The following ABCC5 variants were observed in gnomAD, a reference collection of about 807,000 sequenced individuals.
The protein encoded by ABCC5 is ATP binding cassette subfamily C member 5.
ABCC5 carries 61 observed loss-of-function variants against 160.9 expected under a neutral mutation model. The observed-to-expected ratio is 0.38, with a 90% CI of 0.31 to 0.47. The LOEUF is 0.47. Among genes scored for constraint, ABCC5 ranks in the 20% least tolerant of loss-of-function variants. The pLI, the probability that ABCC5 is intolerant of heterozygous loss-of-function variation, is 0.99. For synonymous variants in ABCC5, 666 were observed against 700.6 expected (o/e 0.95, Z 0.78); for missense variants, 1,308 against 1,813.3 (o/e 0.72, Z 5.06).
At chr3:184,016,946 T>A (rs1722240898) in intron 1 of ABCC5, among the ~76,000 whole-genome samples, 1 of 152,138 alleles carries the variant, frequency 6.6e-6, no homozygotes, top group African/African-American at 2.4e-5. Context: ...TAGGTTTCCA[T>A]CACCTCCAGG....
chr3:183,967,785 G>C lies in ABCC5; in HGVS notation c.1762-19C>G. ...GTTTACCCTGGACAAGGCACACAGAGAGGAGGGTCATTTAGAGACTACTAA... is the reference window on the plus strand; with the variant it reads ...GTTTACCCTGGACAAGGCACACAGACAGGAGGGTCATTTAGAGACTACTAA... On this transcript the variant is annotated intron_variant, in intron 11 of 29. Coordinates refer to ENST00000334444, the MANE Select transcript of ABCC5 (RefSeq NM_005688.4). 3.1e-6 allele frequency: 5 copies of C among 1,597,962 alleles called. No individual in the cohort carries two copies. The highest frequency in any genetic ancestry group is 4.3e-6 in the Non-Finnish European group (5 of 1,165,570).
At chr3:184,000,852 A>G in intron 2 of ABCC5, 1 of 187,216 alleles carries the variant, frequency 5.3e-6, no homozygotes, top group African/African-American at 2.3e-5. Flanking sequence ...TGGCTAACCT[A>G]CAGTAGATCA....
chr3:183,944,735 C>A (rs6443923), intron 24 of ABCC5, among the ~76,000 whole-genome samples: 40,235 of 151,972 alleles, frequency 0.26, 5,635 homozygotes, highest in East Asian at 0.6. Context: ...TTTTTTTTGC[C>A]ATCTTTTTTT....
At chr3:184,002,214 A>G (rs534268607) in intron 2 of ABCC5, among the ~76,000 whole-genome samples, 1 of 152,180 alleles carries the variant, frequency 6.6e-6, no homozygotes, top group Non-Finnish European at 1.5e-5. Flanking sequence ...CCTGGCCAAC[A>G]TGGTGAAATC....
chr3:184,016,538 C>T (rs1722207537), intron 1 of ABCC5, among the ~76,000 whole-genome samples: 1 of 152,200 alleles, frequency 6.6e-6, no homozygotes, highest in Non-Finnish European at 1.5e-5. Context: ...AAGGATGGAT[C>T]CCCAGGCCAG....
intron 17 of ABCC5, among the ~76,000 whole-genome samples, chr3:183,956,629 T>G (rs1716022815): frequency 2.0e-5 from 3 of 148,882 alleles, no homozygotes; most frequent in Non-Finnish European, 4.5e-5. Flanking sequence ...TACATGCAGA[T>G]CCGTGTGTAA....
At chr3:183,983,141 G>T in intron 5 of ABCC5, 134 bp from the exon 6 acceptor site, 1 of 735,166 alleles carries the variant, frequency 1.4e-6, no homozygotes, top group Non-Finnish European at 2.3e-6. Context: ...AACTTTGGAA[G>T]ACCCAATTAT....
At position 183,925,551 on chromosome 3, in the gene ABCC5, G is replaced by T. The variant is rs1473753842; in HGVS notation, c.4212+4C>A. The T allele has an allele frequency of 1.9e-6, 3 of 1,612,748 alleles. No individual in the cohort carries two copies. Among genetic ancestry groups the T allele is most frequent in the South Asian group, 2.2e-5 (2 of 90,888 alleles). On this transcript the variant is annotated splice_donor_region_variant and intron_variant, in intron 29 of 29. Transcript: ENST00000334444. The stretch of plus-strand genomic sequence containing the variant: ...CAAGCCAAAGTTCCTGAAGGACTCG[G>T]TACCTGTCCCTGGGCCAGCACCATA...
At chr3:183,980,343 T>G (rs1490937198) in intron 8 of ABCC5, among the ~76,000 whole-genome samples, 1 of 152,200 alleles carries the variant, frequency 6.6e-6, no homozygotes, top group Non-Finnish European at 1.5e-5. Flanking sequence ...GTAAGAACAC[T>G]CTTTTCAAAT....
In ABCC5 at chr3:183,982,604, G is replaced by A. The variant is rs1718843009; in HGVS notation, c.846C>T (p.Asn282=). 8 of 1,614,170 alleles carry A rather than the reference G, an allele frequency of 5.0e-6. No individual in the cohort carries two copies. The highest frequency in any genetic ancestry group is 1.3e-5 in the African/African-American group (1 of 75,048). The stretch of plus-strand genomic sequence containing the variant: ...CTGCCTCAAACATTCTCTGCCCATC[G>A]TTGGAGCAAATGTTGATGAGCTATA... The part of the protein sequence containing the change: ...SLGELINICS[N]DGQRMFEAAA... The change falls in exon 7 of 30, where the codon AAC becomes AAT. Residue 282 remains asparagine, a synonymous_variant. Transcript: ENST00000334444. The surrounding 1 kb of genome is among the most constrained non-coding windows in gnomAD (Gnocchi z 5.2).
Position 183,929,403 on chromosome 3 carries a change from A to G in ABCC5, c.3855-578T>C, listed in dbSNP as rs1445698272. Among the ~76,000 whole-genome samples the G allele has an allele frequency of 3.3e-5, 5 of 152,352 alleles. No homozygotes were observed. The East Asian group carries it at 9.6e-4, about 29-fold the overall frequency. On this transcript the variant is annotated intron_variant, in intron 26 of 29. Coordinates refer to ENST00000334444, the MANE Select transcript of ABCC5 (RefSeq NM_005688.4). ...AGCTGAGATCACACCACTGCACTCT[A>G]GCCTGGGCGACAGAGTGAGACTCCA... is the stretch of plus-strand genomic sequence containing the variant.
chr3:183,970,486 C>A (rs1226136161), intron 11 of ABCC5, among the ~76,000 whole-genome samples: 1 of 151,844 alleles, frequency 6.6e-6, no homozygotes, highest in Admixed American at 6.6e-5. Flanking sequence ...ACTGTGCCAC[C>A]CAGGCTGGAG....
In ABCC5 at chr3:183,963,306, G is replaced by A. The variant is rs1317209230; in HGVS notation, c.2235+79C>T. On this transcript the variant is annotated intron_variant, in intron 15 of 29. Transcript: ENST00000334444. The surrounding 1 kb of genome is among the most constrained non-coding windows in gnomAD (Gnocchi z 4.6). ...CCAGGAATTTCTAGTTATAACACAAGGATACCTGGAGCAAACCTACCTCCC... is the reference window on the plus strand; with the variant it reads ...CCAGGAATTTCTAGTTATAACACAAAGATACCTGGAGCAAACCTACCTCCC... The A allele has an allele frequency of 3.4e-6, 5 of 1,451,092 alleles. No individual in the cohort carries two copies. In the African/African-American group the frequency reaches 4.2e-5, roughly 12 times the overall value. 89.9% of individuals were successfully genotyped at this position (1,451,092 alleles called of 1,614,324 possible).
intron 15 of ABCC5, among the ~76,000 whole-genome samples, chr3:183,962,364 G>A (rs201426403): frequency 3.3e-5 from 5 of 151,988 alleles, no homozygotes; most frequent in African/African-American, 9.7e-5. Flanking sequence ...GTAAGCCAGC[G>A]ACTGTCTCTA....
intron 17 of ABCC5, among the ~76,000 whole-genome samples, chr3:183,956,312 G>A (rs1284163944): frequency 2.0e-5 from 3 of 150,728 alleles, no homozygotes; most frequent in East Asian, 2.0e-4. Context: ...ATGCAGATCC[G>A]TGTGTAAATC....
intron 2 of ABCC5, among the ~76,000 whole-genome samples, chr3:183,996,602 G>A (rs935258810): frequency 1.6e-4 from 24 of 152,120 alleles, no homozygotes; most frequent in East Asian, 5.8e-4. Flanking sequence ...CAGGTTTCTC[G>A]TGAGTACTGC....
At position 183,953,121 on chromosome 3, in the gene ABCC5, A is replaced by T; in HGVS notation, c.2632T>A (p.Trp878Arg). Reference protein sequence around the residue: ...LNVGSTAFSTWWLSYWIKQGS... With the variant: ...LNVGSTAFSTRWLSYWIKQGS... ...TGCTTGATCCAGTAACTCAACCACC[A>T]GGTGCTGAAGGCGGTGCTGCCTACA... Residue 878 changes from tryptophan to arginine, a missense_variant, in exon 18 of 30, where the codon TGG (tryptophan) becomes AGG (arginine). Physicochemically the swap from Trp to Arg is moderately radical, Grantham distance 101. Coordinates refer to ENST00000334444, the MANE Select transcript of ABCC5 (RefSeq NM_005688.4). The T allele has an allele frequency of 1.9e-6, 3 of 1,614,050 alleles. No individual in the cohort carries two copies. The highest frequency in any genetic ancestry group is 2.5e-6 in the Non-Finnish European group (3 of 1,180,000).
Position 183,949,719 on chromosome 3 carries a change from C to T in ABCC5, c.3227+34G>A. ...GTATCAAACGCTGGGATGCTGACTC[C>T]CCTTTGAGGCCTCTAGCCCCCATCA... On this transcript the variant is annotated intron_variant, in intron 22 of 29. Transcript: ENST00000334444. The surrounding 1 kb of genome is among the most constrained non-coding windows in gnomAD (Gnocchi z 4.2). 2 of 1,607,926 alleles carry T rather than the reference C, an allele frequency of 1.2e-6. No individual in the cohort carries two copies. The highest frequency in any genetic ancestry group is 1.1e-5 in the South Asian group (1 of 90,414).
chr3:183,962,180 C>A (rs1450619756), intron 15 of ABCC5, among the ~76,000 whole-genome samples: 1 of 152,198 alleles, frequency 6.6e-6, no homozygotes, highest in Non-Finnish European at 1.5e-5. Flanking sequence ...CTACCTTAAA[C>A]ATGCTCAGAA....
Sources: gnomAD v4.1 joint callset for allele counts (sites outside exome capture counted in the v4.1 genomes callset) on GRCh38, gnomAD v4.1.1 for gene constraint, Gnocchi (gnomAD v3.1) non-coding constraint, MANE v1.5 for transcripts, NCBI Gene and HGNC (gene_info 2026-07-23, HGNC 2026-07-21) for gene names.